Variants in PTPRK observed in about 807,000 individuals in gnomAD.
PTPRK encodes the protein protein tyrosine phosphatase receptor type K.
In PTPRK, 75 loss-of-function variants were observed where a neutral mutation model predicts 178.0. That is an observed-to-expected ratio of 0.42 (90% CI 0.35 to 0.51). The LOEUF (loss-of-function observed/expected upper bound fraction) is 0.51. Ranked by LOEUF, PTPRK falls within the 20% of genes least tolerant of loss-of-function variation. The probability of loss-of-function intolerance (pLI) is 0.02; values close to 1 mark genes in which losing one functional copy is unlikely to be tolerated. For synonymous variants in PTPRK, 637 were observed against 620.6 expected, an observed-to-expected ratio of 1.03 and a Z score of -0.39; for missense variants, 1,441 against 1,797.8, an observed-to-expected ratio of 0.80 and a Z score of 3.59.
chr6:128,381,352 T>C (rs1180855881), intron 2 of PTPRK, among the ~76,000 whole-genome samples: 1 of 152,188 alleles, frequency 6.6e-6, no homozygotes, highest in Non-Finnish European at 1.5e-5. Flanking sequence ...CTAGATATCA[T>C]TATGCGTCAG....
At chr6:128,112,564 CAT>C (rs879369330) in intron 7 of PTPRK, among the ~76,000 whole-genome samples, 12 of 152,036 alleles carry the variant, frequency 7.9e-5, no homozygotes, top group Non-Finnish European at 1.8e-4. Context: ...ACAGAGGAAA[CAT>C]AAATCTAAGT....
intron 3 of PTPRK, among the ~76,000 whole-genome samples, chr6:128,260,269 T>C (rs1320767134): frequency 6.6e-6 from 1 of 152,092 alleles, no homozygotes; most frequent in Non-Finnish European, 1.5e-5. Context: ...ATAATCTGAA[T>C]TATGATCTGA....
At chr6:128,097,667 T>C (rs1214419199) in intron 7 of PTPRK, among the ~76,000 whole-genome samples, 1 of 152,182 alleles carries the variant, frequency 6.6e-6, no homozygotes, top group Non-Finnish European at 1.5e-5. Flanking sequence ...CTACAATCAA[T>C]GAATCCACTT....
At chr6:128,420,619 G>A (rs965070970) in intron 1 of PTPRK, among the ~76,000 whole-genome samples, 1 of 152,150 alleles carries the variant, frequency 6.6e-6, no homozygotes, top group Non-Finnish European at 1.5e-5. Context: ...ACAACAGAAA[G>A]TACAAGCAAA....
At chr6:128,331,186 C>G (rs1231359419) in intron 2 of PTPRK, among the ~76,000 whole-genome samples, 1 of 152,168 alleles carries the variant, frequency 6.6e-6, no homozygotes, top group Non-Finnish European at 1.5e-5. Context: ...AGAACAAGGT[C>G]TGGAGTATTC....
chr6:127,993,040 A>G (rs1776778144), intron 18 of PTPRK, among the ~76,000 whole-genome samples: 1 of 151,768 alleles, frequency 6.6e-6, no homozygotes, highest in African/African-American at 2.4e-5. Flanking sequence ...CTGGTAAAAT[A>G]GTGTTTAAAA....
intron 29 of PTPRK, among the ~76,000 whole-genome samples, chr6:127,971,652 G>A (rs1246572892): frequency 2.0e-5 from 3 of 152,014 alleles, no homozygotes; most frequent in Non-Finnish European, 2.9e-5. Context: ...CAGGATTCAC[G>A]GGACATGAAT....
chr6:128,358,319 T>G (rs150935554), intron 2 of PTPRK, among the ~76,000 whole-genome samples: 3 of 152,324 alleles, frequency 2.0e-5, no homozygotes, highest in African/African-American at 7.2e-5. Context: ...GCAGTGCTCC[T>G]GCACTCCCTT....
At chr6:128,325,367 T>C (rs961714950) in intron 2 of PTPRK, among the ~76,000 whole-genome samples, 1 of 152,010 alleles carries the variant, frequency 6.6e-6, no homozygotes, top group Admixed American at 6.6e-5. Context: ...CAAAAGAAAC[T>C]ACCATCAGAG....
intron 14 of PTPRK, chr6:128,006,161 T>C: frequency 1.4e-6 from 1 of 729,288 alleles, no homozygotes; most frequent in Non-Finnish European, 2.1e-6. Flanking sequence ...AAAAATAAAA[T>C]AAAATAAAAT....
rs539398563 is a variant in PTPRK, at chr6:127,986,986, A to G, written c.3097-1111T>C. Among the ~76,000 whole-genome samples the G allele has an allele frequency of 3.1e-3, 466 of 152,256 alleles. 2 individuals are homozygous for G. The highest frequency in any genetic ancestry group is 4.5e-3 in the African/African-American group (188 of 41,576). Reference sequence around the variant, plus strand: ...TAAGCATCACCATGGAATCACCCCAATGGAAAATCACCTTTTGCTACTTTT... The same window carrying G: ...TAAGCATCACCATGGAATCACCCCAGTGGAAAATCACCTTTTGCTACTTTT... On this transcript the variant is annotated intron_variant, in intron 21 of 29. Coordinates refer to ENST00000368226, the MANE Select transcript of PTPRK (RefSeq NM_002844.4).
intron 6 of PTPRK, among the ~76,000 whole-genome samples, chr6:128,208,072 C>T (rs79734347): frequency 0.037 from 5,610 of 152,054 alleles, 140 homozygotes; most frequent in Middle Eastern, 0.065. Flanking sequence ...AAACACCCTG[C>T]TTTACATCTT....
At chr6:128,384,746 C>T (rs928074364) in intron 2 of PTPRK, among the ~76,000 whole-genome samples, 14 of 151,600 alleles carry the variant, frequency 9.2e-5, no homozygotes, top group South Asian at 6.2e-4. Context: ...ATTTGGTGAC[C>T]AGAAAAAATT....
intron 1 of PTPRK, among the ~76,000 whole-genome samples, chr6:128,398,554 T>C (rs980757168): frequency 1.3e-5 from 2 of 152,214 alleles, no homozygotes. Flanking sequence ...TCCTCTACAA[T>C]GCAAGTTCAA....
At chr6:128,429,745 C>T (rs981065470) in intron 1 of PTPRK, among the ~76,000 whole-genome samples, 1 of 152,060 alleles carries the variant, frequency 6.6e-6, no homozygotes, top group Non-Finnish European at 1.5e-5. Context: ...AGAAGTTTGC[C>T]TTAGTGACTC....
intron 7 of PTPRK, among the ~76,000 whole-genome samples, chr6:128,109,909 G>A (rs181436915): frequency 7.0e-6 from 1 of 143,692 alleles, no homozygotes; most frequent in Non-Finnish European, 1.6e-5. Context: ...CTACTTTTTT[G>A]GGGGGGGAGG....
chr6:128,401,704 T>G (rs976911148), intron 1 of PTPRK, among the ~76,000 whole-genome samples: 5 of 152,230 alleles, frequency 3.3e-5, no homozygotes, highest in African/African-American at 9.6e-5. Context: ...TAGAATTATC[T>G]TTCATGGTTC....
At chr6:127,979,281 A>G (rs1257854800) in intron 25 of PTPRK, among the ~76,000 whole-genome samples, 3 of 152,198 alleles carry the variant, frequency 2.0e-5, no homozygotes, top group African/African-American at 7.2e-5. Flanking sequence ...TCTCAAAAAG[A>G]AAAAGAAAAA....
chr6:128,507,520 A>G (rs1012004739), intron 1 of PTPRK, among the ~76,000 whole-genome samples: 3 of 152,108 alleles, frequency 2.0e-5, no homozygotes, highest in Non-Finnish European at 4.4e-5. Context: ...TGCCAGGGCA[A>G]TTAGGTGATG....
Sources: gnomAD v4.1 joint callset for allele counts (sites outside exome capture counted in the v4.1 genomes callset) on GRCh38, gnomAD v4.1.1 for gene constraint, MANE v1.5 for transcripts, NCBI Gene and HGNC (gene_info 2026-07-23, HGNC 2026-07-21) for gene names.